Variants in CNTN4 observed in about 807,000 individuals in gnomAD.
CNTN4 encodes the protein contactin-4.
A neutral mutation model predicts 122.5 loss-of-function variants in CNTN4; 77 were observed. That is an observed-to-expected ratio of 0.63 (90% CI 0.52 to 0.76). The LOEUF is 0.76. Ranked by LOEUF, CNTN4 falls within the 30% of genes least tolerant of loss-of-function variation. CNTN4 has a pLI of 0.00. For synonymous variants in CNTN4, 512 were observed against 447.0 expected (o/e 1.15, Z -1.83); for missense variants, 1,256 against 1,259.1 (o/e 1.00, Z 0.04).
chr3:2,331,363 C>G (rs2043713941), intron 2 of CNTN4, among the ~76,000 whole-genome samples: 2 of 152,150 alleles, frequency 1.3e-5, no homozygotes, highest in South Asian at 2.1e-4. Flanking sequence ...TGAGTAAGTG[C>G]TCAGAGTAGG....
intron 3 of CNTN4, among the ~76,000 whole-genome samples, chr3:2,400,094 G>A (rs1037467407): frequency 6.6e-6 from 1 of 151,890 alleles, no homozygotes; most frequent in Admixed American, 6.6e-5. Flanking sequence ...TCTATAGGTG[G>A]ATATCAGTCC....
At chr3:2,441,845 A>G (rs1269218622) in intron 3 of CNTN4, among the ~76,000 whole-genome samples, 3 of 152,194 alleles carry the variant, frequency 2.0e-5, no homozygotes, top group Non-Finnish European at 2.9e-5. Context: ...TCTAAGTTTA[A>G]AGACAAGCCT....
At chr3:2,121,413 G>T (rs747272629) in intron 2 of CNTN4, among the ~76,000 whole-genome samples, 1 of 151,138 alleles carries the variant, frequency 6.6e-6, no homozygotes, top group African/African-American at 2.4e-5. Context: ...CAGGAGAATC[G>T]CTTGAACCTG....
At chr3:2,787,027 A>G (rs901758430) in intron 6 of CNTN4, among the ~76,000 whole-genome samples, 1 of 152,194 alleles carries the variant, frequency 6.6e-6, no homozygotes, top group Non-Finnish European at 1.5e-5. Context: ...GGTTCATGCT[A>G]TGAACATACA....
At chr3:2,490,511 G>C (rs2076286205) in intron 3 of CNTN4, among the ~76,000 whole-genome samples, 1 of 135,850 alleles carries the variant, frequency 7.4e-6, no homozygotes, top group Admixed American at 8.1e-5. Context: ...ATTTTACAAA[G>C]AGTAAAGTTG....
chr3:2,436,492 A>C (rs769104464), intron 3 of CNTN4, among the ~76,000 whole-genome samples: 1 of 151,868 alleles, frequency 6.6e-6, no homozygotes, highest in East Asian at 1.9e-4. Flanking sequence ...TAATGTTAGT[A>C]TTTTCTCTTA....
At chr3:2,750,690 C>T (rs2090047014) in intron 6 of CNTN4, among the ~76,000 whole-genome samples, 1 of 152,176 alleles carries the variant, frequency 6.6e-6, no homozygotes, top group Non-Finnish European at 1.5e-5. Context: ...AGCCTACTAC[C>T]ATACCCTTTC....
In CNTN4 at chr3:2,127,342, C is replaced by T. The variant is rs567787601; in HGVS notation, c.-145+26703C>T. Among the ~76,000 whole-genome samples the T allele has an allele frequency of 3.9e-5, 6 of 152,088 alleles. No homozygotes were observed. In the South Asian group the frequency reaches 1.2e-3, roughly 32 times the overall value. On this transcript the variant is annotated intron_variant, in intron 2 of 24. Transcript: ENST00000418658. ...ATCATCCTTCACAGCCTAGTGGGTG[C>T]CGCTCCTCCCTTTTATTCAATTTTT... is the stretch of plus-strand genomic sequence containing the variant.
intron 16 of CNTN4, among the ~76,000 whole-genome samples, chr3:3,033,508 G>T (rs1030624158): frequency 6.6e-6 from 1 of 152,184 alleles, no homozygotes; most frequent in Non-Finnish European, 1.5e-5. Context: ...TCTGTGAGAG[G>T]TTTCTTTTTT....
chr3:2,566,525 C>T (rs1412724102), intron 3 of CNTN4, among the ~76,000 whole-genome samples: 1 of 152,180 alleles, frequency 6.6e-6, no homozygotes, highest in East Asian at 1.9e-4. Flanking sequence ...TCTGGTGGTT[C>T]ACTATTCTAT....
At chr3:2,693,752 C>G (rs2149208465) in intron 4 of CNTN4, among the ~76,000 whole-genome samples, 1 of 152,236 alleles carries the variant, frequency 6.6e-6, no homozygotes, top group South Asian at 2.1e-4. Context: ...TGAATCAGAG[C>G]ACACCGAGGA....
chr3:2,287,902 AC>A (rs2042002178), intron 2 of CNTN4, among the ~76,000 whole-genome samples: 1 of 152,168 alleles, frequency 6.6e-6, no homozygotes, highest in African/African-American at 2.4e-5. Flanking sequence ...AGAATACAAA[AC>A]TAATAAAAAT....
chr3:2,778,389 T>C (rs569061719), intron 6 of CNTN4, among the ~76,000 whole-genome samples: 3 of 152,086 alleles, frequency 2.0e-5, no homozygotes, highest in South Asian at 4.2e-4. Context: ...AATTAAATTA[T>C]GTTCTCAAAA....
chr3:3,051,820 G>A (rs1320803712), intron 23 of CNTN4, among the ~76,000 whole-genome samples: 1 of 152,190 alleles, frequency 6.6e-6, no homozygotes, highest in African/African-American at 2.4e-5. Context: ...ACTTGTGTCT[G>A]GTTTTGTCTT....
At chr3:2,224,497 C>A (rs963984986) in intron 2 of CNTN4, among the ~76,000 whole-genome samples, 3 of 152,068 alleles carry the variant, frequency 2.0e-5, no homozygotes, top group Non-Finnish European at 4.4e-5. Flanking sequence ...TACCTGGGTC[C>A]TTTCCCCTTA....
chr3:2,391,279 T>C (rs2150884254), intron 3 of CNTN4, among the ~76,000 whole-genome samples: 1 of 152,296 alleles, frequency 6.6e-6, no homozygotes, highest in East Asian at 1.9e-4. Context: ...GTTAGAGTCA[T>C]TTGGTGTGTG....
intron 17 of CNTN4, among the ~76,000 whole-genome samples, chr3:3,036,870 T>C (rs958060834): frequency 6.6e-6 from 1 of 152,178 alleles, no homozygotes; most frequent in African/African-American, 2.4e-5. Context: ...CACTATACAA[T>C]AAATGCGGAA....
At chr3:2,420,846 T>A (rs1247655927) in intron 3 of CNTN4, among the ~76,000 whole-genome samples, 3 of 152,218 alleles carry the variant, frequency 2.0e-5, no homozygotes, top group African/African-American at 7.2e-5. Flanking sequence ...GCTTCTGTGA[T>A]TAACGTTTCT....
At position 3,017,619 on chromosome 3, in the gene CNTN4, C is replaced by G. The variant is rs150022753; in HGVS notation, c.1487-8483C>G. On this transcript the variant is annotated intron_variant, in intron 14 of 24. Transcript: ENST00000418658. ...CCAGAATGGGCAGCAAGGCCACCCCCCAAAAAGAGTCAGACCTGTACAGTA... is the reference window on the plus strand; with the variant it reads ...CCAGAATGGGCAGCAAGGCCACCCCGCAAAAAGAGTCAGACCTGTACAGTA... 9.9e-3 allele frequency among the ~76,000 whole-genome samples: 1,500 copies of G among 152,264 alleles called. 27 individuals carry two copies. The highest frequency in any genetic ancestry group is 0.034 in the African/African-American group (1,415 of 41,548).
Sources: gnomAD v4.1 joint callset for allele counts (sites outside exome capture counted in the v4.1 genomes callset) on GRCh38, gnomAD v4.1.1 for gene constraint, MANE v1.5 for transcripts, NCBI Gene and HGNC (gene_info 2026-07-23, HGNC 2026-07-21) for gene names.